The following DLC1 variants were observed in gnomAD, a reference collection of about 807,000 sequenced individuals.
The protein encoded by DLC1 is rho GTPase-activating protein 7.
In DLC1, 54 loss-of-function variants were observed where a neutral mutation model predicts 140.3. That is an observed-to-expected ratio of 0.38 (90% CI 0.31 to 0.48). DLC1 has a LOEUF of 0.48. DLC1 is among the 20% of genes least tolerant of loss of function. The probability of loss-of-function intolerance (pLI) is 0.96; values close to 1 mark genes in which losing one functional copy is unlikely to be tolerated. For synonymous variants in DLC1, 986 were observed against 728.1 expected (o/e 1.35, Z -5.70); for missense variants, 2,536 against 1,907.0 (o/e 1.33, Z -6.14).
At chr8:13,123,126 C>T (rs1821243513) in intron 5 of DLC1, among the ~76,000 whole-genome samples, 2 of 152,160 alleles carry the variant, frequency 1.3e-5, no homozygotes, top group Admixed American at 1.3e-4. Flanking sequence ...GAACTGGTTT[C>T]CTAAGGGCTA....
rs145609287 is a variant in DLC1 at position 13,494,672 on chromosome 8, C to T, written c.1023+4377G>A. 6.2e-3 allele frequency among the ~76,000 whole-genome samples: 950 copies of T among 152,182 alleles called. 12 individuals are homozygous for T. The highest frequency in any genetic ancestry group is 0.021 in the African/African-American group (878 of 41,504). Reference sequence around the variant, plus strand: ...GCCTAATTAATACTGAGATATAGGCCGGGCACAGTGGCTCACACCTGTAAT... The same window carrying T: ...GCCTAATTAATACTGAGATATAGGCTGGGCACAGTGGCTCACACCTGTAAT... On this transcript the variant is annotated intron_variant, in intron 2 of 17. Transcript: ENST00000276297.
chr8:13,139,057 G>T (rs1192524168), intron 5 of DLC1, among the ~76,000 whole-genome samples: 1 of 151,772 alleles, frequency 6.6e-6, no homozygotes, highest in Admixed American at 6.6e-5. Context: ...GGCTAAGGTG[G>T]GAAAATCACA....
intron 2 of DLC1, among the ~76,000 whole-genome samples, chr8:13,462,983 C>T (rs905107886): frequency 2.0e-5 from 3 of 152,038 alleles, no homozygotes; most frequent in South Asian, 2.1e-4. Context: ...AAGTAACTGG[C>T]CTTAAAACTT....
At chr8:13,413,256 A>ATGTTTTTTTTTTTT (rs1837875443) in intron 2 of DLC1, among the ~76,000 whole-genome samples, 1 of 82,006 alleles carries the variant, frequency 1.2e-5, no homozygotes, top group Non-Finnish European at 2.3e-5. Context: ...TTTTTTTGCG[A>ATGTTTTTTTTTTTT]TTTTTTTTTT....
At chr8:13,540,694 G>C (rs80282865) in intron 1 of DLC1, among the ~76,000 whole-genome samples, 4,022 of 152,240 alleles carry the variant, frequency 0.026, 152 homozygotes, top group East Asian at 0.15. Context: ...TTATTTCTGA[G>C]ATTAGTAATG....
In DLC1 at chr8:13,099,889, G is replaced by A; in HGVS notation, c.2448C>T (p.Gly816=). The A allele has an allele frequency of 4.3e-6, 7 of 1,614,172 alleles. No individual in the cohort carries two copies. Among genetic ancestry groups the A allele is most frequent in the Non-Finnish European group, 5.9e-6 (7 of 1,180,044 alleles). Residue 816 remains glycine (G), a synonymous_variant, in exon 9 of 18, where the codon GGC becomes GGT. Coordinates refer to ENST00000276297, the MANE Select transcript of DLC1 (RefSeq NM_182643.3). ...VFYIPEDHKP[G]TFPKALTNGS... is the part of the protein sequence containing the mutation. Reference sequence around the variant, plus strand: ...CATTGGTGAGAGCTTTGGGGAAAGTGCCAGGCTTGTGATCTTCAGGGATGT... The same window carrying A: ...CATTGGTGAGAGCTTTGGGGAAAGTACCAGGCTTGTGATCTTCAGGGATGT...
At chr8:13,350,139 T>C (rs1012457387) in intron 4 of DLC1, among the ~76,000 whole-genome samples, 2 of 152,170 alleles carry the variant, frequency 1.3e-5, no homozygotes, top group African/African-American at 4.8e-5. Flanking sequence ...TTACCTGAAG[T>C]GCTTAGAGGA....
At chr8:13,509,997 G>C (rs983436498) in intron 1 of DLC1, among the ~76,000 whole-genome samples, 1 of 152,112 alleles carries the variant, frequency 6.6e-6, no homozygotes, top group African/African-American at 2.4e-5. Context: ...AAAGTGACTT[G>C]ATCATGATGA....
chr8:13,400,266 G>A (rs574467230), intron 3 of DLC1, among the ~76,000 whole-genome samples: 50 of 152,192 alleles, frequency 3.3e-4, no homozygotes, highest in African/African-American at 1.2e-3. Flanking sequence ...CACTAAATAT[G>A]TACTCTGTGC....
At chr8:13,305,100 T>G in intron 5 of DLC1, 169 bp downstream of exon 5, 1 of 1,297,128 alleles carries the variant, frequency 7.7e-7, no homozygotes, top group Non-Finnish European at 9.8e-7. Context: ...ACCACGTATA[T>G]TTTTCTTACA....
intron 5 of DLC1, among the ~76,000 whole-genome samples, chr8:13,301,581 T>G (rs1196200875): frequency 6.6e-6 from 1 of 152,184 alleles, no homozygotes; most frequent in African/African-American, 2.4e-5. Context: ...GTTAAGTGAC[T>G]TGCTCAAGGC....
chr8:13,278,790 A>G (rs1055914806), intron 5 of DLC1, among the ~76,000 whole-genome samples: 2 of 152,202 alleles, frequency 1.3e-5, no homozygotes, highest in African/African-American at 2.4e-5. Flanking sequence ...AAAGGGAAAT[A>G]AGCATTCATT....
intron 3 of DLC1, among the ~76,000 whole-genome samples, chr8:13,396,188 T>A (rs945987672): frequency 6.6e-6 from 1 of 151,242 alleles, no homozygotes; most frequent in Admixed American, 6.6e-5. Flanking sequence ...GCCTCCCGAG[T>A]AGCTGGGATT....
intron 5 of DLC1, among the ~76,000 whole-genome samples, chr8:13,120,820 C>T (rs1821000219): frequency 1.3e-5 from 2 of 152,038 alleles, no homozygotes; most frequent in South Asian, 4.1e-4. Context: ...ACCATTAGGC[C>T]ATATTTGCAC....
chr8:13,192,266 G>C (rs1233004841), intron 5 of DLC1, among the ~76,000 whole-genome samples: 1 of 151,930 alleles, frequency 6.6e-6, no homozygotes, highest in Admixed American at 6.6e-5. Flanking sequence ...GATTATTCTT[G>C]TATGTCAGGA....
At chr8:13,304,966 A>G in intron 5 of DLC1, 5 of 1,042,054 alleles carry the variant, frequency 4.8e-6, no homozygotes, top group Non-Finnish European at 4.6e-6. Context: ...TTCCAAATTC[A>G]TTCCCCAGAA....
chr8:13,481,231 C>G (rs1022151263), intron 2 of DLC1, among the ~76,000 whole-genome samples: 2 of 152,114 alleles, frequency 1.3e-5, no homozygotes, highest in Non-Finnish European at 2.9e-5. Flanking sequence ...TTGAGACCAG[C>G]CTGGGCAATA....
chr8:13,398,294 C>A (rs1031650348), intron 3 of DLC1, among the ~76,000 whole-genome samples: 1 of 37,990 alleles, frequency 2.6e-5, no homozygotes, highest in Non-Finnish European at 5.6e-5. Context: ...AACTCTTCCC[C>A]ATCACATCTC....
chr8:13,375,026 G>GTTT (rs776104758), intron 4 of DLC1, among the ~76,000 whole-genome samples: 1 of 94,252 alleles, frequency 1.1e-5, no homozygotes, highest in African/African-American at 3.9e-5. Flanking sequence ...GAATGCTTGT[G>GTTT]ATTTTTTTTT....
Sources: allele counts gnomAD v4.1 joint callset (sites outside exome capture counted in the v4.1 genomes callset), GRCh38; gene constraint gnomAD v4.1.1; transcripts MANE v1.5; gene names NCBI Gene and HGNC (gene_info 2026-07-23, HGNC 2026-07-21).